ENTREP2: variants seen among roughly 807,000 people sequenced by gnomAD.
ENTREP2 encodes the protein endosomal transmembrane epsin interactor 2, also known as protein ENTREP2.
chr15:29,377,638 A>G, the ENTREP2 span, among the ~76,000 whole-genome samples: 1 of 151,934 alleles, frequency 6.6e-6, no homozygotes, highest in Non-Finnish European at 1.5e-5. Context: ...CCTGACCAAC[A>G]TGGAGAAACC....
chr15:29,159,263 G>C, the ENTREP2 span, among the ~76,000 whole-genome samples: 2 of 152,228 alleles, frequency 1.3e-5, no homozygotes, highest in South Asian at 4.2e-4. Context: ...TTAAGGCGGC[G>C]TGTCTGAAGT....
At chr15:29,382,703 A>C in the ENTREP2 span, among the ~76,000 whole-genome samples, 2 of 152,156 alleles carry the variant, frequency 1.3e-5, no homozygotes. Context: ...CCCTGTGTCC[A>C]GCTCCTGGCC....
the ENTREP2 span, among the ~76,000 whole-genome samples, chr15:29,149,643 CCG>C: frequency 6.6e-6 from 1 of 152,212 alleles, no homozygotes; most frequent in Non-Finnish European, 1.5e-5. Context: ...ATCTTTAGAG[CCG>C]AGGAAACGGG....
chr15:29,311,744 T>G, the ENTREP2 span, among the ~76,000 whole-genome samples: 40 of 152,262 alleles, frequency 2.6e-4, no homozygotes, highest in Non-Finnish European at 4.1e-4. Flanking sequence ...CAACATTCTT[T>G]CAATAAGTAG....
the ENTREP2 span, among the ~76,000 whole-genome samples, chr15:29,582,206 A>C: frequency 6.6e-6 from 1 of 152,200 alleles, no homozygotes; most frequent in Non-Finnish European, 1.5e-5. Context: ...TACAGGAAGA[A>C]AATAACTGTT....
chr15:29,535,764 T>A, the ENTREP2 span, among the ~76,000 whole-genome samples: 6 of 151,440 alleles, frequency 4.0e-5, no homozygotes, highest in South Asian at 2.1e-4. Context: ...TGAGACAGAG[T>A]CTCACTCTAT....
At chr15:29,247,738 T>TA in the ENTREP2 span, among the ~76,000 whole-genome samples, 74,919 of 150,832 alleles carry the variant, frequency 0.5, 20,267 homozygotes, top group South Asian at 0.62. Context: ...GGTATGTCTG[T>TA]AAAAAAAAAG....
chr15:29,388,601 A>C, the ENTREP2 span, among the ~76,000 whole-genome samples: 6 of 152,288 alleles, frequency 3.9e-5, no homozygotes, highest in African/African-American at 1.2e-4. Context: ...TTTGACCCAG[A>C]CATCCCATTA....
At chr15:29,366,689 C>CT in the ENTREP2 span, among the ~76,000 whole-genome samples, 6 of 152,172 alleles carry the variant, frequency 3.9e-5, no homozygotes, top group Admixed American at 2.0e-4. Context: ...TGTCTGGCTT[C>CT]TTCTATTTAG....
chr15:29,652,137 C>A, the ENTREP2 span, among the ~76,000 whole-genome samples: 2 of 152,154 alleles, frequency 1.3e-5, no homozygotes, highest in Non-Finnish European at 2.9e-5. Flanking sequence ...GCAGAGAGAG[C>A]CTTCCCACTC....
the ENTREP2 span, among the ~76,000 whole-genome samples, chr15:29,189,499 AC>A: frequency 6.6e-6 from 1 of 151,952 alleles, no homozygotes; most frequent in African/African-American, 2.4e-5. Flanking sequence ...TTCTTGGGAA[AC>A]TTTTATCTCC....
the ENTREP2 span, among the ~76,000 whole-genome samples, chr15:29,334,339 A>C: frequency 6.6e-6 from 1 of 152,152 alleles, no homozygotes; most frequent in African/African-American, 2.4e-5. Flanking sequence ...CGCGACTCTT[A>C]CTAGAAGCTC....
At chr15:29,613,721 GTGGGGTC>G in the ENTREP2 span, 1 of 168,762 alleles carries the variant, frequency 5.9e-6, no homozygotes. Context: ...GCTAACATGC[GTGGGGTC>G]ACCACCTTCC....
chr15:29,340,850 AC>A, the ENTREP2 span, among the ~76,000 whole-genome samples: 3 of 152,140 alleles, frequency 2.0e-5, no homozygotes, highest in African/African-American at 7.2e-5. Flanking sequence ...GCTTTCCAGA[AC>A]TTCAGAGTCA....
chr15:29,659,800 A>ATT, the ENTREP2 span, among the ~76,000 whole-genome samples: 1 of 139,872 alleles, frequency 7.1e-6, no homozygotes, highest in African/African-American at 3.2e-5. Context: ...ATATGCCACT[A>ATT]TATTTTTTTT....
the ENTREP2 span, chr15:29,128,663 G>A: frequency 1.3e-6 from 1 of 772,628 alleles, no homozygotes; most frequent in South Asian, 1.5e-5. Context: ...CCCTCTTAAA[G>A]AGTAAGAAAT....
chr15:29,275,141 CAAAG>C, the ENTREP2 span, among the ~76,000 whole-genome samples: 1 of 152,106 alleles, frequency 6.6e-6, no homozygotes, highest in Non-Finnish European at 1.5e-5. Flanking sequence ...ATCCTTATGC[CAAAG>C]TGGCATATTT....
At chr15:29,652,491 C>T in the ENTREP2 span, among the ~76,000 whole-genome samples, 1 of 152,248 alleles carries the variant, frequency 6.6e-6, no homozygotes, top group African/African-American at 2.4e-5. Context: ...AAACACGCCG[C>T]TTGCTCTCCA....
the ENTREP2 span, among the ~76,000 whole-genome samples, chr15:29,247,923 T>C: frequency 1.5e-3 from 224 of 152,330 alleles, 4 homozygotes; most frequent in East Asian, 0.042. Context: ...AGTTCAGGGT[T>C]CCCACTGTAG....
Sources: gnomAD v4.1 joint callset for allele counts (sites outside exome capture counted in the v4.1 genomes callset) on GRCh38, gnomAD v4.1.1 for gene constraint, MANE v1.5 for transcripts, NCBI Gene and HGNC (gene_info 2026-07-23, HGNC 2026-07-21) for gene names.